The following FAIM2 variants were observed in gnomAD, a reference collection of about 807,000 sequenced individuals.
FAIM2 encodes the protein protein lifeguard 2.
In FAIM2, 27 loss-of-function variants were observed where a neutral mutation model predicts 47.4. That is an observed-to-expected ratio of 0.57 (90% CI 0.42 to 0.78). The LOEUF (loss-of-function observed/expected upper bound fraction) is 0.78, where lower values mean the gene tolerates loss of function less well. FAIM2 is among the 30% of genes least tolerant of loss of function. FAIM2 has a pLI of 0.00. For synonymous variants in FAIM2, 156 were observed against 159.3 expected (o/e 0.98, Z 0.16); for missense variants, 311 against 389.4 (o/e 0.80, Z 1.69).
Position 49,890,134 on chromosome 12 carries a change from G to T in FAIM2, c.546C>A (p.Leu182=). The change falls in exon 8 of 12, where the codon CTC becomes CTA. Residue 182 remains leucine, a synonymous_variant. Transcript: ENST00000320634. The stretch of plus-strand genomic sequence containing the variant: ...CCCTTTACCTGGACAGCATCCCAGT[G>T]AGGTAGGCCATGGACAGGGTCTGAA... The part of the protein sequence containing the change: ...LTVFTLSMAY[L]TGMLSSYYNT... 1 of 1,614,092 alleles carries T rather than the reference G, an allele frequency of 6.2e-7. No individual in the cohort carries two copies. The highest frequency in any genetic ancestry group is 8.5e-7 in the Non-Finnish European group (1 of 1,179,964).
At chr12:49,883,961 C>A (rs1484001246) in intron 11 of FAIM2, among the ~76,000 whole-genome samples, 1 of 152,156 alleles carries the variant, frequency 6.6e-6, no homozygotes, top group Non-Finnish European at 1.5e-5. Flanking sequence ...ATGGCTCATG[C>A]CTGTTATCCC....
chr12:49,903,804 T>C lies in FAIM2; in HGVS notation c.-12A>G. The C allele has an allele frequency of 6.5e-7, 1 of 1,541,888 alleles. No homozygotes were observed. The highest frequency in any genetic ancestry group is 8.8e-7 in the Non-Finnish European group (1 of 1,142,710). On this transcript the variant is annotated 5_prime_UTR_variant, in exon 1 of 12. Transcript: ENST00000320634. ...TTTCCCTGGGTCATGGTGCCGTCTCTCGGGGAAGGGGTCCCTGAGGCCCGG... is the reference window on the plus strand; with the variant it reads ...TTTCCCTGGGTCATGGTGCCGTCTCCCGGGGAAGGGGTCCCTGAGGCCCGG...
chr12:49,886,874 A>G (rs1946865429), intron 11 of FAIM2, among the ~76,000 whole-genome samples: 1 of 152,210 alleles, frequency 6.6e-6, no homozygotes, highest in Non-Finnish European at 1.5e-5. Context: ...AGTGTTCAAT[A>G]AATATTAGCT....
chr12:49,880,210 ATG>A (rs1946802593), intron 11 of FAIM2, among the ~76,000 whole-genome samples: 4 of 134,778 alleles, frequency 3.0e-5, no homozygotes, highest in South Asian at 4.8e-4. Context: ...GTGTGTGTGC[ATG>A]TGTGTATATG....
intron 11 of FAIM2, among the ~76,000 whole-genome samples, chr12:49,877,875 CATATATGT>C (rs1946748725): frequency 1.4e-5 from 2 of 147,052 alleles, no homozygotes. Context: ...TGAGTGTATA[CATATATGT>C]GTATGTGGGT....
chr12:49,881,879 G>A (rs975959917), intron 11 of FAIM2, among the ~76,000 whole-genome samples: 1 of 152,192 alleles, frequency 6.6e-6, no homozygotes, highest in African/African-American at 2.4e-5. Flanking sequence ...GCCCTGAGAC[G>A]CCTCGCCTGC....
chr12:49,898,105 G>A lies in FAIM2; in HGVS notation c.212-15C>T, dbSNP rs1301947565. Reference sequence around the variant, plus strand: ...GGAGCTGCTGCCTGTGTGGCACGTGGAGGAGGAGGACATGAGGGTTCCCCC... The same window carrying A: ...GGAGCTGCTGCCTGTGTGGCACGTGAAGGAGGAGGACATGAGGGTTCCCCC... On this transcript the variant is annotated splice_polypyrimidine_tract_variant and intron_variant, in intron 2 of 11. Transcript: ENST00000320634. The A allele has an allele frequency of 6.3e-7, 1 of 1,591,438 alleles. No homozygotes were observed. Among genetic ancestry groups the A allele is most frequent in the Non-Finnish European group, 8.6e-7 (1 of 1,159,520 alleles).
Position 49,878,234 on chromosome 12 carries a change from GTA to G in FAIM2, c.802-7583_802-7582del, listed in dbSNP as rs1946756292. On this transcript the variant is annotated intron_variant, in intron 11 of 11. Coordinates refer to ENST00000320634, the MANE Select transcript of FAIM2 (RefSeq NM_012306.4). ...TGCTTGTGTGTATATGTGCATGAGT[GTA>G]TGTGTGTATATGTGAGTGTATGTGC... 6.1e-5 allele frequency among the ~76,000 whole-genome samples: 8 copies of G among 131,458 alleles called. 1 individual carries two copies. The South Asian group carries it at 1.8e-3, about 29-fold the overall frequency. 86.2% of individuals were successfully genotyped at this position (131,458 alleles called of 152,430 possible).
At chr12:49,880,294 CTGTGTA>C (rs1465607919) in intron 11 of FAIM2, among the ~76,000 whole-genome samples, 2 of 143,882 alleles carry the variant, frequency 1.4e-5, no homozygotes, top group African/African-American at 5.2e-5. Flanking sequence ...ATGAGTGTAT[CTGTGTA>C]TGTGCATGTG....
At chr12:49,877,026 C>A (rs1263379582) in intron 11 of FAIM2, among the ~76,000 whole-genome samples, 1 of 152,162 alleles carries the variant, frequency 6.6e-6, no homozygotes, top group African/African-American at 2.4e-5. Context: ...GCTGCAGAGC[C>A]CCCTCCCCAC....
At chr12:49,897,130 G>C (rs1946943392) in intron 4 of FAIM2, 46 bp from the exon 5 acceptor site, 2 of 1,478,700 alleles carry the variant, frequency 1.4e-6, no homozygotes, top group East Asian at 4.5e-5. Flanking sequence ...TGTACCCTAG[G>C]TCTCCATTTC....
At chr12:49,896,390 C>A (rs1391000587) in intron 5 of FAIM2, among the ~76,000 whole-genome samples, 1 of 152,134 alleles carries the variant, frequency 6.6e-6, no homozygotes, top group Non-Finnish European at 1.5e-5. Context: ...CCGAGTGGCT[C>A]GAGGGCTGCA....
At chr12:49,871,712 G>A (rs1460753126) in intron 11 of FAIM2, among the ~76,000 whole-genome samples, 1 of 150,120 alleles carries the variant, frequency 6.7e-6, no homozygotes, top group African/African-American at 2.5e-5. Flanking sequence ...TGTTGCCCAG[G>A]TCGGAGTGCA....
intron 10 of FAIM2, among the ~76,000 whole-genome samples, chr12:49,888,710 C>T (rs916777564): frequency 6.6e-6 from 1 of 152,190 alleles, no homozygotes; most frequent in Non-Finnish European, 1.5e-5. Flanking sequence ...CCTCTTTGGA[C>T]TTGGCTGATC....
chr12:49,877,530 A>T (rs561704296), intron 11 of FAIM2, among the ~76,000 whole-genome samples: 9 of 152,318 alleles, frequency 5.9e-5, no homozygotes, highest in Middle Eastern at 3.5e-3. Context: ...GTCATGCCTC[A>T]GCCTTGGATT....
At chr12:49,877,285 C>T (rs1946743039) in intron 11 of FAIM2, among the ~76,000 whole-genome samples, 2 of 152,174 alleles carry the variant, frequency 1.3e-5, no homozygotes, top group African/African-American at 2.4e-5. Context: ...TGCACACTCT[C>T]CCCTGAAGGA....
intron 11 of FAIM2, among the ~76,000 whole-genome samples, chr12:49,886,093 C>T (rs1946859089): frequency 6.6e-6 from 1 of 152,186 alleles, no homozygotes; most frequent in Non-Finnish European, 1.5e-5. Flanking sequence ...TTGAGCTGAA[C>T]GTTCCAGCGA....
At chr12:49,900,196 C>T in intron 2 of FAIM2, 1 of 1,287,862 alleles carries the variant, frequency 7.8e-7, no homozygotes, top group South Asian at 1.2e-5. Flanking sequence ...GGTGAGTCTT[C>T]AGGGGTCTGC....
chr12:49,895,547 G>A (rs1565619384), intron 5 of FAIM2, among the ~76,000 whole-genome samples: 1 of 152,198 alleles, frequency 6.6e-6, no homozygotes, highest in East Asian at 1.9e-4. Flanking sequence ...ACATGGGCTG[G>A]CCCAGGTGGT....
Sources: gnomAD v4.1 joint callset for allele counts (sites outside exome capture counted in the v4.1 genomes callset) on GRCh38, gnomAD v4.1.1 for gene constraint, MANE v1.5 for transcripts, NCBI Gene and HGNC (gene_info 2026-07-23, HGNC 2026-07-21) for gene names.